The following AGBL1 variants were observed in gnomAD, a reference collection of about 807,000 sequenced individuals.
AGBL1 encodes AGBL carboxypeptidase 1.
In AGBL1, 130 loss-of-function variants were observed where a neutral mutation model predicts 118.9. That is an observed-to-expected ratio of 1.09 (90% CI 0.95 to 1.26). The LOEUF is 1.26. AGBL1 is among the 50% of genes most tolerant of loss of function. The pLI, the probability that AGBL1 is intolerant of heterozygous loss-of-function variation, is 0.00. For synonymous variants in AGBL1, 555 were observed against 478.9 expected (o/e 1.16, Z -2.08); for missense variants, 1,584 against 1,298.1 (o/e 1.22, Z -3.38).
rs142535293 is a variant in AGBL1, at chr15:86,258,162, C to T, written c.969+131C>T. 1,098 of 830,838 alleles carry T rather than the reference C, an allele frequency of 1.3e-3. 23 individuals carry two copies. In the East Asian group the frequency reaches 0.026, roughly 19 times the overall value. 51.5% of individuals were successfully genotyped at this position (830,838 alleles called of 1,614,324 possible). On this transcript the variant is annotated intron_variant, in intron 9 of 22. Transcript: ENST00000614907. The stretch of plus-strand genomic sequence containing the variant: ...ACTTTAGTACTGCCACTCCAGTGGT[C>T]GTGATGCGCAGTAAATGATAGCTAC...
At chr15:86,721,893 C>A (rs544435960) in intron 22 of AGBL1, among the ~76,000 whole-genome samples, 1,710 of 152,086 alleles carry the variant, frequency 0.011, 41 homozygotes, top group African/African-American at 0.038. Flanking sequence ...TCATGAGTGA[C>A]CTCCCATTCA....
Position 86,092,128 on chromosome 15 carries a change from C to A in AGBL1, c.51+12105C>A, listed in dbSNP as rs573045316. Among the ~76,000 whole-genome samples, 4 of 152,130 alleles carry A rather than the reference C, an allele frequency of 2.6e-5. No homozygotes were observed. In the South Asian group the frequency reaches 8.3e-4, roughly 32 times the overall value. The stretch of plus-strand genomic sequence containing the variant: ...AAAATAAATATAACATGGTTCTTGT[C>A]CTCCCAGATATGAAGAATCACATAT... On this transcript the variant is annotated intron_variant, in intron 1 of 22. Transcript: ENST00000614907.
At chr15:86,581,673 T>C (rs2084174494) in intron 21 of AGBL1, among the ~76,000 whole-genome samples, 1 of 152,134 alleles carries the variant, frequency 6.6e-6, no homozygotes, top group South Asian at 2.1e-4. Flanking sequence ...AGTACAGCTG[T>C]CATGAGCAAC....
rs549292284 is a variant in AGBL1 at position 86,395,951 on chromosome 15, C to T, written c.2375-1415C>T. Among the ~76,000 whole-genome samples, 255 of 151,864 alleles carry T rather than the reference C, an allele frequency of 1.7e-3. 6 individuals are homozygous for T. The South Asian group carries it at 0.046, about 28-fold the overall frequency. On this transcript the variant is annotated intron_variant, in intron 17 of 22. Transcript: ENST00000614907. ...ACAGTTTGTATCTTCAAAAAGGCTACGGCTTTTTAGATTCTGTATGAGTAA... is the reference window on the plus strand; with the variant it reads ...ACAGTTTGTATCTTCAAAAAGGCTATGGCTTTTTAGATTCTGTATGAGTAA...
intron 21 of AGBL1, among the ~76,000 whole-genome samples, chr15:86,564,765 C>T (rs1408447332): frequency 6.6e-6 from 1 of 152,218 alleles, no homozygotes; most frequent in African/African-American, 2.4e-5. Context: ...CTTTCAGGTA[C>T]ACCAATCAGA....
chr15:87,018,824 T>C (rs1219481426), intron 24 of AGBL1, among the ~76,000 whole-genome samples: 2 of 152,034 alleles, frequency 1.3e-5, no homozygotes, highest in African/African-American at 4.8e-5. Flanking sequence ...AGGCACAGAA[T>C]CTCAAGCTGG....
intron 24 of AGBL1, among the ~76,000 whole-genome samples, chr15:87,028,366 G>A (rs2081754781): frequency 6.6e-6 from 1 of 151,902 alleles, no homozygotes; most frequent in Non-Finnish European, 1.5e-5. Flanking sequence ...ACTCAAACGT[G>A]GTTAGTGAGT....
At chr15:86,668,071 C>T (rs1240523507) in intron 21 of AGBL1, among the ~76,000 whole-genome samples, 3 of 152,098 alleles carry the variant, frequency 2.0e-5, no homozygotes, top group Non-Finnish European at 2.9e-5. Context: ...CTTTAAACAA[C>T]CAGCTCTTGC....
intron 22 of AGBL1, among the ~76,000 whole-genome samples, chr15:86,787,279 C>G (rs189844129): frequency 6.6e-6 from 1 of 152,110 alleles, no homozygotes; most frequent in Non-Finnish European, 1.5e-5. Context: ...AATCTATTAA[C>G]AAATTTTCAG....
chr15:86,987,896 A>G (rs1001976365), intron 23 of AGBL1: 19 of 1,492,894 alleles, frequency 1.3e-5, no homozygotes, highest in Non-Finnish European at 1.7e-5. Flanking sequence ...TTCCCACTCA[A>G]TAATATGTTT....
At chr15:86,662,763 C>T (rs1386203748) in intron 21 of AGBL1, among the ~76,000 whole-genome samples, 1 of 152,258 alleles carries the variant, frequency 6.6e-6, no homozygotes, top group East Asian at 1.9e-4. Context: ...TGCTAATCTG[C>T]AGACCATAAT....
intron 5 of AGBL1, among the ~76,000 whole-genome samples, chr15:86,221,096 G>A (rs888693587): frequency 6.6e-6 from 1 of 152,128 alleles, no homozygotes; most frequent in African/African-American, 2.4e-5. Flanking sequence ...TACCTGGGAG[G>A]CTGAATCAGG....
intron 21 of AGBL1, among the ~76,000 whole-genome samples, chr15:86,612,830 A>G (rs1208077777): frequency 1.3e-5 from 2 of 152,156 alleles, no homozygotes; most frequent in African/African-American, 4.8e-5. Context: ...GGCTTTATCT[A>G]CATGACAAGA....
chr15:86,160,768 C>A (rs190613467), intron 5 of AGBL1, among the ~76,000 whole-genome samples: 33 of 152,278 alleles, frequency 2.2e-4, no homozygotes, highest in Admixed American at 1.2e-3. Context: ...CTGGGCTCAT[C>A]CACATACGGG....
chr15:86,811,666 C>A (rs182924628), intron 22 of AGBL1, among the ~76,000 whole-genome samples: 32 of 152,260 alleles, frequency 2.1e-4, no homozygotes, highest in Admixed American at 1.4e-3. Flanking sequence ...TTTTAGAGGG[C>A]TCAGTCCCAA....
At chr15:86,180,267 A>G (rs2077534749) in intron 5 of AGBL1, among the ~76,000 whole-genome samples, 1 of 152,114 alleles carries the variant, frequency 6.6e-6, no homozygotes. Context: ...AAAGAACAAA[A>G]TTGGAGGACA....
At chr15:86,383,275 ATCCT>A (rs2081138246) in intron 17 of AGBL1, among the ~76,000 whole-genome samples, 4 of 118,890 alleles carry the variant, frequency 3.4e-5, no homozygotes, top group African/African-American at 6.4e-5. Flanking sequence ...AAAAAAAAAA[ATCCT>A]AATTGCTTAT....
chr15:86,145,129 T>C (rs1437004800), intron 3 of AGBL1, among the ~76,000 whole-genome samples: 2 of 152,182 alleles, frequency 1.3e-5, no homozygotes, highest in Admixed American at 6.5e-5. Context: ...ACATCAGTCA[T>C]AGGATTTAGG....
At chr15:86,096,316 C>T (rs75143812) in intron 1 of AGBL1, among the ~76,000 whole-genome samples, 2,268 of 152,204 alleles carry the variant, frequency 0.015, 34 homozygotes, top group South Asian at 0.075. Context: ...TGGAGAGGTA[C>T]TGGAAATAGA....
Sources: allele counts gnomAD v4.1 joint callset (sites outside exome capture counted in the v4.1 genomes callset), GRCh38; gene constraint gnomAD v4.1.1; transcripts MANE v1.5; gene names NCBI Gene and HGNC (gene_info 2026-07-23, HGNC 2026-07-21).